The following SPINK5 variants were observed in gnomAD, a reference collection of about 807,000 sequenced individuals.
SPINK5 encodes serine protease inhibitor Kazal-type 5.
Under a neutral mutation model 151.8 loss-of-function variants are expected in SPINK5, and 125 were observed. The ratio of observed to expected loss-of-function variants is 0.82; its 90% CI spans 0.71 to 0.96. The LOEUF (loss-of-function observed/expected upper bound fraction) is 0.96. Ranked by LOEUF, SPINK5 falls within the 40% of genes least tolerant of loss-of-function variation. The probability of loss-of-function intolerance (pLI) is 0.00; values close to 1 mark genes in which losing one functional copy is unlikely to be tolerated. For missense variants in SPINK5, 1,194 were observed against 1,291.9 expected (o/e 0.92, Z 1.16); for synonymous variants, 374 against 395.3 (o/e 0.95, Z 0.64).
Position 148,104,943 on chromosome 5 carries a change from T to A in SPINK5, c.1431-9T>A. 6.2e-7 allele frequency: 1 copy of A among 1,610,778 alleles called. No individual in the cohort carries two copies. Among genetic ancestry groups the A allele is most frequent in the South Asian group, 1.1e-5 (1 of 90,056 alleles). ...TTTCTTCTCTCTTTTTCTTTTCGGT[T>A]TCTTAAAGTCAACAAGAAGAAAGAG... On this transcript the variant is annotated splice_polypyrimidine_tract_variant and intron_variant, in intron 15 of 32. Transcript: ENST00000256084.
intron 8 of SPINK5, among the ~76,000 whole-genome samples, chr5:148,092,937 A>T (rs1753350630): frequency 6.6e-6 from 1 of 151,970 alleles, no homozygotes; most frequent in Non-Finnish European, 1.5e-5. Flanking sequence ...CCTACAGAGC[A>T]TCTGTTCCAA....
rs1037634402 is a variant in SPINK5, at chr5:148,090,989, C to T, written c.603-176C>T. 3.9e-5 allele frequency: 24 copies of T among 608,298 alleles called. No homozygotes were observed. The Middle Eastern group carries it at 1.7e-3, about 44-fold the overall frequency. The allele number at this position is 608,298 out of a possible 1,614,324, so 37.7% of individuals were successfully genotyped here. The stretch of plus-strand genomic sequence containing the variant: ...AAGCTATTGCCGTCTTTCTTTCTTT[C>T]CTTATCTTTGGCAATTTCTCTGGCT... On this transcript the variant is annotated intron_variant, in intron 7 of 32. Transcript: ENST00000256084.
chr5:148,125,808 GA>G lies in SPINK5; in HGVS notation c.2828del (p.Lys943SerfsTer15). 6.2e-7 allele frequency: 1 copy of G among 1,614,172 alleles called. No individual in the cohort carries two copies. The highest frequency in any genetic ancestry group is 8.5e-7 in the Non-Finnish European group (1 of 1,180,018). On this transcript the variant is annotated frameshift_variant, in exon 29 of 33. Coordinates refer to ENST00000256084, the MANE Select transcript of SPINK5 (RefSeq NM_006846.4). LOFTEE classifies it high-confidence loss of function. ...RENDPVHGAD[G>X]KFYTNKCYMC... Reference sequence around the variant, plus strand: ...AATGACCCAGTGCACGGTGCTGATGGAAAGTTCTATACAAACAAGTGCTACA... The same window carrying G: ...AATGACCCAGTGCACGGTGCTGATGGAAGTTCTATACAAACAAGTGCTACA...
chr5:148,085,104 T>C (rs974471946), intron 4 of SPINK5, among the ~76,000 whole-genome samples: 19 of 152,010 alleles, frequency 1.2e-4, no homozygotes, highest in Non-Finnish European at 2.5e-4. Flanking sequence ...ATAACTTATA[T>C]GGCCACTGCT....
At chr5:148,070,677 A>C (rs1160792392) in intron 3 of SPINK5, among the ~76,000 whole-genome samples, 1 of 152,118 alleles carries the variant, frequency 6.6e-6, no homozygotes, top group African/African-American at 2.4e-5. Flanking sequence ...AGCATTCCAG[A>C]GGGCCCAGTG....
intron 4 of SPINK5, among the ~76,000 whole-genome samples, chr5:148,077,099 T>C (rs772599512): frequency 1.3e-5 from 2 of 151,000 alleles, no homozygotes; most frequent in Non-Finnish European, 3.0e-5. Context: ...TGGAAAAAAA[T>C]TAATTTTAAC....
intron 3 of SPINK5, among the ~76,000 whole-genome samples, chr5:148,071,717 A>T (rs1027892756): frequency 1.3e-5 from 2 of 152,050 alleles, no homozygotes; most frequent in African/African-American, 4.8e-5. Context: ...CAAAGCATAA[A>T]AGCTGTCATC....
At chr5:148,085,621 ACTAGT>A (rs1333740483) in intron 4 of SPINK5, among the ~76,000 whole-genome samples, 1 of 151,894 alleles carries the variant, frequency 6.6e-6, no homozygotes, top group African/African-American at 2.4e-5. Flanking sequence ...AGACTTGAAC[ACTAGT>A]CTTCAGTTAT....
In SPINK5 at chr5:148,100,550, G is replaced by GGCA. The variant is rs767251772; in HGVS notation, c.1190_1192dup (p.Gly397_Asn398insSer). 1 of 1,613,076 alleles carries GGCA rather than the reference G, an allele frequency of 6.2e-7. No homozygotes were observed. The highest frequency in any genetic ancestry group is 1.7e-5 in the Admixed American group (1 of 59,960). On this transcript the variant is annotated inframe_insertion, in exon 13 of 33. Coordinates refer to ENST00000256084, the MANE Select transcript of SPINK5 (RefSeq NM_006846.4). ...CCAGGGCCCAGATGGGAAAGTGCATGGCAACACCTGCTCCATGTGTGAGGT... is the reference window on the plus strand; with the variant it reads ...CCAGGGCCCAGATGGGAAAGTGCATGGCAGCAACACCTGCTCCATGTGTGAGGT...
At chr5:148,070,955 G>T (rs751896264) in intron 3 of SPINK5, among the ~76,000 whole-genome samples, 20 of 151,976 alleles carry the variant, frequency 1.3e-4, no homozygotes, top group Non-Finnish European at 2.4e-4. Flanking sequence ...ATTATTCTAG[G>T]ATGAGATGAA....
chr5:148,081,750 T>G (rs997540294), intron 4 of SPINK5, among the ~76,000 whole-genome samples: 3 of 151,736 alleles, frequency 2.0e-5, no homozygotes, highest in Non-Finnish European at 4.4e-5. Flanking sequence ...ATGGGTGAAT[T>G]TTATAGTATA....
intron 22 of SPINK5, among the ~76,000 whole-genome samples, chr5:148,117,713 G>C (rs1754132698): frequency 6.6e-6 from 1 of 151,914 alleles, no homozygotes; most frequent in South Asian, 2.1e-4. Context: ...CAGGATTTGT[G>C]GGATGTGAAA....
intron 6 of SPINK5, chr5:148,089,223 G>A (rs1053997046): frequency 5.6e-6 from 3 of 537,176 alleles, no homozygotes; most frequent in African/African-American, 1.9e-5. Flanking sequence ...CTAGGAGATT[G>A]GGAGCAAGTT....
intron 32 of SPINK5, among the ~76,000 whole-genome samples, chr5:148,134,306 A>G (rs1163259393): frequency 6.6e-6 from 1 of 152,190 alleles, no homozygotes; most frequent in Non-Finnish European, 1.5e-5. Context: ...ATTTCCCAGC[A>G]TTAAAAGTTG....
At chr5:148,071,660 A>G (rs962228172) in intron 3 of SPINK5, among the ~76,000 whole-genome samples, 7 of 120,740 alleles carry the variant, frequency 5.8e-5, no homozygotes, top group African/African-American at 2.5e-4. Flanking sequence ...TACGTAAATT[A>G]TGTTAGAATA....
In SPINK5 at chr5:148,101,926, C is replaced by T; in HGVS notation, c.1430+18C>T. ...GCCTTCTTGTGAGTAGAGCAGTAGC[C>T]CCATAGCGTCTGAGGATTGAGCAGT... is the stretch of plus-strand genomic sequence containing the variant. On this transcript the variant is annotated intron_variant, in intron 15 of 32. Transcript: ENST00000256084. 6.2e-7 allele frequency: 1 copy of T among 1,613,168 alleles called. No homozygotes were observed.
At chr5:148,068,688 G>A (rs1055257642) in intron 2 of SPINK5, among the ~76,000 whole-genome samples, 2 of 151,752 alleles carry the variant, frequency 1.3e-5, no homozygotes, top group African/African-American at 4.8e-5. Context: ...GTTTGTCAGA[G>A]TTGAAGCAAA....
In SPINK5 at chr5:148,137,259, T is replaced by A. The variant is rs1754719028; in HGVS notation, c.*268T>A. 1 of 538,052 alleles carries A rather than the reference T, an allele frequency of 1.9e-6. No individual in the cohort carries two copies. 33.3% of individuals were successfully genotyped at this position (538,052 alleles called of 1,614,324 possible). On this transcript the variant is annotated 3_prime_UTR_variant, in exon 33 of 33. Transcript: ENST00000256084. The stretch of plus-strand genomic sequence containing the variant: ...ACAATGCTGTCTGTCCAACTGCCTG[T>A]TCAATAAAAGTAAACTCAGCAGAAC...
At chr5:148,118,843 A>C in intron 23 of SPINK5, 143 bp from the exon 24 acceptor site, 1 of 914,176 alleles carries the variant, frequency 1.1e-6, no homozygotes, top group Non-Finnish European at 1.7e-6. Context: ...AATCCTAGGA[A>C]GACTTTGTCA....
Sources: gnomAD v4.1 joint callset for allele counts (sites outside exome capture counted in the v4.1 genomes callset) on GRCh38, gnomAD v4.1.1 for gene constraint, MANE v1.5 for transcripts, NCBI Gene and HGNC (gene_info 2026-07-23, HGNC 2026-07-21) for gene names.